The following ARHGAP18 variants were observed in gnomAD, a reference collection of about 807,000 sequenced individuals.
The protein encoded by ARHGAP18 is rho GTPase-activating protein 18.
ARHGAP18 carries 67 observed loss-of-function variants against 86.2 expected under a neutral mutation model. That is an observed-to-expected ratio of 0.78 (90% CI 0.64 to 0.95). The LOEUF is 0.95. ARHGAP18 is among the 40% of genes least tolerant of loss of function. The pLI, the probability that ARHGAP18 is intolerant of heterozygous loss-of-function variation, is 0.00. For missense variants in ARHGAP18, 691 were observed against 780.4 expected, an observed-to-expected ratio of 0.89 and a Z score of 1.37; for synonymous variants, 283 against 280.4, an observed-to-expected ratio of 1.01 and a Z score of -0.09.
At chr6:129,609,236 A>G (rs1788927352) in intron 8 of ARHGAP18, among the ~76,000 whole-genome samples, 1 of 152,144 alleles carries the variant, frequency 6.6e-6, no homozygotes, top group Admixed American at 6.5e-5. Context: ...CAGGGGGAAA[A>G]GAGACAACCA....
intron 8 of ARHGAP18, 110 bp from the exon 9 acceptor site, chr6:129,608,162 G>T: frequency 7.9e-7 from 1 of 1,273,774 alleles, no homozygotes. Flanking sequence ...CTGCTCTTTA[G>T]ACAAGACAAA....
intron 2 of ARHGAP18, among the ~76,000 whole-genome samples, chr6:129,640,042 C>CA (rs374771260): frequency 0.14 from 10,032 of 72,512 alleles, 961 homozygotes; most frequent in Non-Finnish European, 0.15. Context: ...GAGACTGTCT[C>CA]AAAAAAAAAA....
rs1788214844 is a variant in ARHGAP18, at chr6:129,578,034, G to GT, written c.*478dup. ...ACAGGAATACTGTGAAATTAGGTAT[G>GT]TTTTAATGTGCTGTCTTCACAACTT... On this transcript the variant is annotated 3_prime_UTR_variant, in exon 15 of 15. Transcript: ENST00000368149. 6.6e-6 allele frequency: 1 copy of GT among 152,148 alleles called. No individual in the cohort carries two copies. Among genetic ancestry groups the GT allele is most frequent in the Non-Finnish European group, 1.5e-5 (1 of 68,036 alleles). 9.4% of individuals were successfully genotyped at this position (152,148 alleles called of 1,614,324 possible).
intron 1 of ARHGAP18, among the ~76,000 whole-genome samples, chr6:129,683,055 CTTT>C (rs199633610): frequency 7.2e-6 from 1 of 139,078 alleles, no homozygotes; most frequent in African/African-American, 2.7e-5. Context: ...TTTGTTTTTT[CTTT>C]TTTTTTTTTT....
intron 13 of ARHGAP18, among the ~76,000 whole-genome samples, chr6:129,581,694 T>C (rs1237115443): frequency 6.6e-6 from 1 of 152,180 alleles, no homozygotes; most frequent in Non-Finnish European, 1.5e-5. Context: ...AACGTGCGAT[T>C]TATTATACAT....
intron 1 of ARHGAP18, among the ~76,000 whole-genome samples, chr6:129,678,858 T>C (rs1327849460): frequency 1.3e-5 from 2 of 152,208 alleles, no homozygotes; most frequent in Non-Finnish European, 2.9e-5. Context: ...ATATTAACCA[T>C]CTTGCTCATG....
At chr6:129,647,187 A>G (rs906573870) in intron 1 of ARHGAP18, among the ~76,000 whole-genome samples, 4 of 152,106 alleles carry the variant, frequency 2.6e-5, no homozygotes, top group African/African-American at 9.7e-5. Context: ...GCTGGTGTCC[A>G]TTATGTGTAA....
intron 1 of ARHGAP18, among the ~76,000 whole-genome samples, chr6:129,697,413 G>A (rs1325725675): frequency 1.3e-5 from 2 of 151,250 alleles, no homozygotes; most frequent in Non-Finnish European, 2.9e-5. Flanking sequence ...CACTGGTAGT[G>A]CCTGGGTCAG....
intron 1 of ARHGAP18, among the ~76,000 whole-genome samples, chr6:129,702,404 C>T (rs1774729482): frequency 1.3e-5 from 2 of 152,130 alleles, no homozygotes; most frequent in Non-Finnish European, 2.9e-5. Context: ...ATTCTCTATC[C>T]CTTTTTTATC....
intron 9 of ARHGAP18, 148 bp downstream of exon 9, chr6:129,607,745 T>G: frequency 1.4e-6 from 1 of 709,940 alleles, no homozygotes; most frequent in Non-Finnish European, 2.1e-6. Flanking sequence ...AAACAATGCA[T>G]GGCAGCTGAG....
chr6:129,599,067 A>C, intron 12 of ARHGAP18, 149 bp downstream of exon 12: 1 of 625,174 alleles, frequency 1.6e-6, no homozygotes, highest in South Asian at 2.8e-5. Flanking sequence ...CAGTAGTAGG[A>C]AGACAGTTAC....
At chr6:129,682,275 T>C (rs1774337307) in intron 1 of ARHGAP18, among the ~76,000 whole-genome samples, 1 of 152,138 alleles carries the variant, frequency 6.6e-6, no homozygotes, top group South Asian at 2.1e-4. Flanking sequence ...AAGAAATAAC[T>C]CCAGCTTTGG....
intron 13 of ARHGAP18, 83 bp downstream of exon 13, chr6:129,583,905 G>C: frequency 7.0e-7 from 1 of 1,423,392 alleles, no homozygotes; most frequent in Admixed American, 2.3e-5. Flanking sequence ...AAAAAAAAAA[G>C]GAAGAAGAAG....
At chr6:129,625,901 TTTATATA>T (rs367615327) in intron 5 of ARHGAP18, among the ~76,000 whole-genome samples, 1,709 of 78,840 alleles carry the variant, frequency 0.022, 54 homozygotes, top group Middle Eastern at 0.049. Flanking sequence ...ATATTATATA[TTTATATA>T]TTATATATTA....
intron 4 of ARHGAP18, among the ~76,000 whole-genome samples, chr6:129,629,959 G>A (rs901715414): frequency 6.6e-6 from 1 of 152,124 alleles, no homozygotes; most frequent in African/African-American, 2.4e-5. Flanking sequence ...TCCTCTGAGT[G>A]GATCAGTTTC....
Position 129,614,213 on chromosome 6 carries a change from A to G in ARHGAP18, c.1044+1999T>C, listed in dbSNP as rs1414655026. On this transcript the variant is annotated intron_variant, in intron 7 of 14. Coordinates refer to ENST00000368149, the MANE Select transcript of ARHGAP18 (RefSeq NM_033515.3). ...CTCAAAAATTAAATTATAGTCCTCT[A>G]AAGACTGGTAATGAATCTTCTTGCA... Among the ~76,000 whole-genome samples the G allele has an allele frequency of 2.0e-5, 3 of 152,214 alleles. No individual in the cohort carries two copies. In the East Asian group the frequency reaches 5.8e-4, roughly 29 times the overall value.
chr6:129,662,095 G>A (rs1476421762), intron 1 of ARHGAP18: 1 of 162,776 alleles, frequency 6.1e-6, no homozygotes, highest in Non-Finnish European at 1.3e-5. Flanking sequence ...GATGCCAAAT[G>A]ATTAAAAACC....
At chr6:129,637,213 T>C (rs181218299) in intron 3 of ARHGAP18, among the ~76,000 whole-genome samples, 3 of 152,000 alleles carry the variant, frequency 2.0e-5, no homozygotes, top group African/African-American at 2.4e-5. Context: ...TACAGGCACA[T>C]GCCACCGCAC....
chr6:129,615,909 G>A (rs1011677833), intron 7 of ARHGAP18, among the ~76,000 whole-genome samples: 3 of 152,146 alleles, frequency 2.0e-5, no homozygotes, highest in African/African-American at 7.2e-5. Flanking sequence ...CAATTCCCTA[G>A]AAATTTATAA....
Sources: allele counts gnomAD v4.1 joint callset (sites outside exome capture counted in the v4.1 genomes callset), GRCh38; gene constraint gnomAD v4.1.1; transcripts MANE v1.5; gene names NCBI Gene and HGNC (gene_info 2026-07-23, HGNC 2026-07-21).